Variants in RPL26 observed in about 807,000 individuals in gnomAD.
RPL26 encodes large ribosomal subunit protein uL24.
In RPL26, 1 loss-of-function variant was observed where a neutral mutation model predicts 16.2. That is an observed-to-expected ratio of 0.06 (90% confidence interval 0.02 to 0.29). RPL26 has a LOEUF of 0.29. Among genes scored for constraint, RPL26 ranks in the 10% least tolerant of loss-of-function variants. RPL26 has a pLI of 1.00. For synonymous variants in RPL26, 55 were observed against 62.4 expected (o/e 0.88, Z 0.56); for missense variants, 102 against 184.3 (o/e 0.55, Z 2.58).
At chr17:8,378,474 A>G (rs1166186737) in intron 3 of RPL26, among the ~76,000 whole-genome samples, 1 of 152,194 alleles carries the variant, frequency 6.6e-6, no homozygotes, top group East Asian at 1.9e-4. Context: ...GCTGGGCGAC[A>G]AGAGCAAAAC....
intron 3 of RPL26, chr17:8,379,439 G>C (rs972173824): frequency 6.0e-6 from 2 of 335,494 alleles, no homozygotes; most frequent in Non-Finnish European, 1.1e-5. Flanking sequence ...GGGTGTAGTG[G>C]TGCACGCATG....
intron 3 of RPL26, 157 bp downstream of exon 3, chr17:8,379,639 A>C (rs1907321950): frequency 3.1e-6 from 2 of 655,404 alleles, no homozygotes; most frequent in East Asian, 5.3e-5. Context: ...AAATGGTATT[A>C]GAATTTTCAA....
At chr17:8,378,320 A>T (rs928512182) in intron 3 of RPL26, among the ~76,000 whole-genome samples, 1 of 152,132 alleles carries the variant, frequency 6.6e-6, no homozygotes, top group African/African-American at 2.4e-5. Flanking sequence ...TGGGCGATCA[A>T]TCGAGACTCC....
At chr17:8,382,488 TTTTTA>T (rs1907469642) in intron 1 of RPL26, 173 bp from the exon 2 acceptor site, 1 of 563,338 alleles carries the variant, frequency 1.8e-6, no homozygotes, top group African/African-American at 1.9e-5. Flanking sequence ...AGCTCGAAAC[TTTTTA>T]TTTTTTGTTT....
intron 1 of RPL26, 124 bp from the exon 2 acceptor site, chr17:8,382,439 T>TC: frequency 1.4e-6 from 1 of 693,614 alleles, no homozygotes; most frequent in Non-Finnish European, 2.4e-6. Flanking sequence ...TTGTGCAACT[T>TC]CAACAAAAAC....
chr17:8,378,983 A>G (rs1597494248), intron 3 of RPL26, among the ~76,000 whole-genome samples: 2 of 152,180 alleles, frequency 1.3e-5, no homozygotes, highest in Admixed American at 6.5e-5. Context: ...ATCAAGTTTC[A>G]TAGATGTGTT....
chr17:8,377,704 T>A lies in RPL26; in HGVS notation c.310-12A>T. On this transcript the variant is annotated splice_polypyrimidine_tract_variant and intron_variant, in intron 3 of 3. Coordinates refer to ENST00000648839, the MANE Select transcript of RPL26 (RefSeq NM_000987.5). ...CTAGTGATAACCACCTGCAGAAAAA[T>A]AAGAAAAAAACACTCCCAAGCTTTA... 2.5e-6 allele frequency: 4 copies of A among 1,594,152 alleles called. No homozygotes were observed. The Admixed American group carries it at 5.3e-5, about 21-fold the overall frequency.
intron 3 of RPL26, among the ~76,000 whole-genome samples, chr17:8,378,258 G>C (rs565689743): frequency 5.3e-5 from 8 of 152,200 alleles, no homozygotes; most frequent in Admixed American, 3.9e-4. Flanking sequence ...TGGAACCCTG[G>C]GGGGGCGGAG....
chr17:8,380,270 G>A (rs1907350117), intron 2 of RPL26, among the ~76,000 whole-genome samples: 1 of 152,220 alleles, frequency 6.6e-6, no homozygotes, highest in Non-Finnish European at 1.5e-5. Flanking sequence ...GTGAGGACAA[G>A]TATTTCTGAA....
chr17:8,379,719 G>T, intron 3 of RPL26, 77 bp downstream of exon 3: 1 of 1,344,444 alleles, frequency 7.4e-7, no homozygotes, highest in Non-Finnish European at 1.0e-6. Context: ...CTATTTCTAT[G>T]GCCTTGCTCT....
At chr17:8,380,074 TAAG>T (rs1236171369) in intron 2 of RPL26, 138 bp from the exon 3 acceptor site, 1 of 650,078 alleles carries the variant, frequency 1.5e-6, no homozygotes, top group Admixed American at 3.3e-5. Flanking sequence ...CGGCAACCTG[TAAG>T]AAGTTGACAA....
intron 2 of RPL26, 137 bp from the exon 3 acceptor site, chr17:8,380,073 G>GT (rs1339510986): frequency 6.2e-6 from 4 of 648,956 alleles, no homozygotes; most frequent in Non-Finnish European, 1.0e-5. Context: ...TCGGCAACCT[G>GT]TAAGAAGTTG....
At chr17:8,381,958 C>A in intron 2 of RPL26, 185 bp downstream of exon 2, 2 of 506,480 alleles carry the variant, frequency 3.9e-6, no homozygotes, top group Non-Finnish European at 6.9e-6. Flanking sequence ...AAGATTTTCA[C>A]CAAATAATAC....
At chr17:8,382,681 A>C in intron 1 of RPL26, 2 of 284,910 alleles carry the variant, frequency 7.0e-6, no homozygotes, top group Non-Finnish European at 1.3e-5. Flanking sequence ...CTTAACTATA[A>C]CCTCACGTTT....
chr17:8,380,088 C>A, intron 2 of RPL26, 152 bp from the exon 3 acceptor site: 1 of 613,114 alleles, frequency 1.6e-6, no homozygotes. Context: ...AAGTTGACAA[C>A]AAGGAATCTG....
At chr17:8,382,538 A>C in intron 1 of RPL26, 1 of 478,684 alleles carries the variant, frequency 2.1e-6, no homozygotes, top group South Asian at 2.5e-5. Context: ...TTACGGACTA[A>C]AGACTTTTGC....
At chr17:8,381,814 A>C (rs191399323) in intron 2 of RPL26, 1 of 235,436 alleles carries the variant, frequency 4.2e-6, no homozygotes, top group Non-Finnish European at 8.3e-6. Flanking sequence ...TTGTAATCCC[A>C]GCTACTCGGG....
chr17:8,379,711 A>G, intron 3 of RPL26, 85 bp downstream of exon 3: 2 of 1,285,456 alleles, frequency 1.6e-6, no homozygotes, highest in African/African-American at 1.5e-5. Context: ...ATCAAGGACT[A>G]TTTCTATGGC....
At chr17:8,381,994 T>C in intron 2 of RPL26, 149 bp downstream of exon 2, 1 of 644,316 alleles carries the variant, frequency 1.6e-6, no homozygotes, top group Non-Finnish European at 2.7e-6. Context: ...AGCAGCTTAC[T>C]TACTGTTTTT....
Sources: allele counts gnomAD v4.1 joint callset (sites outside exome capture counted in the v4.1 genomes callset), GRCh38; gene constraint gnomAD v4.1.1; transcripts MANE v1.5; gene names NCBI Gene and HGNC (gene_info 2026-07-23, HGNC 2026-07-21).